RAP1GDS1: variants seen among roughly 807,000 people sequenced by gnomAD.
RAP1GDS1 encodes the protein RAP1, GTP-GDP dissociation stimulator 1.
A neutral mutation model predicts 71.1 loss-of-function variants in RAP1GDS1; 35 were observed. The ratio of observed to expected loss-of-function variants is 0.49; its 90% CI spans 0.38 to 0.65. The LOEUF (loss-of-function observed/expected upper bound fraction) is 0.65. Among genes scored for constraint, RAP1GDS1 ranks in the 30% least tolerant of loss-of-function variants. RAP1GDS1 has a pLI of 0.00. For synonymous variants in RAP1GDS1, 229 were observed against 243.1 expected (o/e 0.94, Z 0.54); for missense variants, 663 against 706.1 (o/e 0.94, Z 0.69).
chr4:98,365,786 CTA>C (rs1739400894), intron 4 of RAP1GDS1, among the ~76,000 whole-genome samples: 1 of 152,118 alleles, frequency 6.6e-6, no homozygotes, highest in Non-Finnish European at 1.5e-5. Context: ...TTAAATATCT[CTA>C]TTGGCACAGC....
intron 12 of RAP1GDS1, among the ~76,000 whole-genome samples, chr4:98,429,228 A>C (rs2110208574): frequency 6.6e-6 from 1 of 151,102 alleles, no homozygotes; most frequent in South Asian, 2.1e-4. Flanking sequence ...ACTGCACTCC[A>C]GCCTGGGTAA....
chr4:98,290,514 A>T (rs1375911007), intron 1 of RAP1GDS1, among the ~76,000 whole-genome samples: 1 of 152,136 alleles, frequency 6.6e-6, no homozygotes, highest in Non-Finnish European at 1.5e-5. Flanking sequence ...TTTAGGTCTT[A>T]TGAAAACTCT....
intron 1 of RAP1GDS1, among the ~76,000 whole-genome samples, chr4:98,285,173 T>C (rs1725788633): frequency 6.6e-6 from 1 of 152,228 alleles, no homozygotes; most frequent in South Asian, 2.1e-4. Context: ...AATAGATTGC[T>C]ATTGAAATTC....
intron 1 of RAP1GDS1, among the ~76,000 whole-genome samples, chr4:98,281,429 G>A (rs1725083481): frequency 6.6e-6 from 1 of 152,266 alleles, no homozygotes; most frequent in Admixed American, 6.5e-5. Flanking sequence ...TGGTGTATAG[G>A]AATGCTTGTG....
At chr4:98,326,388 C>T (rs759918634) in intron 2 of RAP1GDS1, among the ~76,000 whole-genome samples, 4 of 151,970 alleles carry the variant, frequency 2.6e-5, no homozygotes, top group Non-Finnish European at 4.4e-5. Context: ...TCCCTTTTTT[C>T]TTCCCCATTC....
intron 5 of RAP1GDS1, among the ~76,000 whole-genome samples, chr4:98,385,027 A>C (rs1002723677): frequency 6.6e-6 from 1 of 151,580 alleles, no homozygotes; most frequent in Non-Finnish European, 1.5e-5. Context: ...TTATGTCTGG[A>C]TTGAAGATTA....
intron 1 of RAP1GDS1, among the ~76,000 whole-genome samples, chr4:98,289,999 G>A (rs1726696357): frequency 6.6e-6 from 1 of 151,854 alleles, no homozygotes; most frequent in Non-Finnish European, 1.5e-5. Flanking sequence ...GAAAAAAATT[G>A]AGTGACATTT....
intron 11 of RAP1GDS1, 120 bp downstream of exon 11, chr4:98,420,264 A>G: frequency 9.9e-7 from 1 of 1,013,316 alleles, no homozygotes; most frequent in Non-Finnish European, 1.3e-6. Flanking sequence ...TAGCAAATAA[A>G]AGATTTAAAA....
chr4:98,428,882 C>T (rs1561006928), intron 12 of RAP1GDS1, among the ~76,000 whole-genome samples: 1 of 152,198 alleles, frequency 6.6e-6, no homozygotes, highest in Non-Finnish European at 1.5e-5. Context: ...AAAAAATATA[C>T]TTGCACACAT....
At chr4:98,313,014 A>AGCC (rs1730462121) in intron 2 of RAP1GDS1, among the ~76,000 whole-genome samples, 1 of 138,366 alleles carries the variant, frequency 7.2e-6, no homozygotes, top group African/African-American at 2.7e-5. Flanking sequence ...ACTTGCAGTG[A>AGCC]GCCGAGATCA....
chr4:98,316,478 G>C (rs1278779610), intron 2 of RAP1GDS1, among the ~76,000 whole-genome samples: 1 of 152,028 alleles, frequency 6.6e-6, no homozygotes, highest in Non-Finnish European at 1.5e-5. Flanking sequence ...GGGAGTGTGA[G>C]GCCAAGTTAT....
intron 1 of RAP1GDS1, among the ~76,000 whole-genome samples, chr4:98,276,381 C>G (rs1266467306): frequency 1.3e-5 from 2 of 151,972 alleles, no homozygotes; most frequent in Non-Finnish European, 2.9e-5. Context: ...TGTTTTACTC[C>G]TTAGACATAT....
At chr4:98,335,664 A>T (rs1009043636) in intron 2 of RAP1GDS1, among the ~76,000 whole-genome samples, 1 of 152,060 alleles carries the variant, frequency 6.6e-6, no homozygotes, top group Admixed American at 6.5e-5. Flanking sequence ...GATATTATTA[A>T]TGACTATATA....
chr4:98,302,287 C>G (rs1171100860), intron 2 of RAP1GDS1, among the ~76,000 whole-genome samples: 3 of 151,980 alleles, frequency 2.0e-5, no homozygotes, highest in East Asian at 3.9e-4. Context: ...AAGTGAACAC[C>G]AGGAAGATGT....
intron 5 of RAP1GDS1, chr4:98,387,566 G>A: frequency 4.8e-6 from 2 of 419,582 alleles, no homozygotes; most frequent in South Asian, 3.3e-5. Context: ...ATATGCATCT[G>A]TATTGCACCC....
intron 7 of RAP1GDS1, among the ~76,000 whole-genome samples, chr4:98,416,337 T>G (rs983180974): frequency 4.9e-5 from 5 of 102,744 alleles, no homozygotes; most frequent in South Asian, 7.7e-4. Context: ...TTTCTTAGTT[T>G]TTTTTTTTTT....
intron 1 of RAP1GDS1, among the ~76,000 whole-genome samples, chr4:98,271,497 G>C (rs1358382768): frequency 1.3e-5 from 2 of 151,754 alleles, no homozygotes; most frequent in African/African-American, 2.4e-5. Context: ...AGAGATAAGA[G>C]GTAGCACATC....
At chr4:98,392,574 GC>G (rs1336858933) in intron 6 of RAP1GDS1, among the ~76,000 whole-genome samples, 1 of 152,104 alleles carries the variant, frequency 6.6e-6, no homozygotes, top group Non-Finnish European at 1.5e-5. Context: ...GGTGGCTAGT[GC>G]CAGTAGTCCT....
At chr4:98,327,325 A>T (rs1733279193) in intron 2 of RAP1GDS1, among the ~76,000 whole-genome samples, 1 of 152,338 alleles carries the variant, frequency 6.6e-6, no homozygotes, top group African/African-American at 2.4e-5. Context: ...TTAATAGAAA[A>T]AAATGAGAAG....
Sources: allele counts gnomAD v4.1 joint callset (sites outside exome capture counted in the v4.1 genomes callset), GRCh38; gene constraint gnomAD v4.1.1; transcripts MANE v1.5; gene names NCBI Gene and HGNC (gene_info 2026-07-23, HGNC 2026-07-21).